Variants in MPHOSPH6 observed in about 807,000 individuals in gnomAD.
MPHOSPH6 encodes the protein M-phase phosphoprotein 6.
Under a neutral mutation model 21.8 loss-of-function variants are expected in MPHOSPH6, and 25 were observed. The ratio of observed to expected loss-of-function variants is 1.15; its 90% confidence interval spans 0.83 to 1.60. The LOEUF (loss-of-function observed/expected upper bound fraction) is 1.60. MPHOSPH6 is among the 40% of genes most tolerant of loss of function. The probability of loss-of-function intolerance (pLI) is 0.00; values close to 1 mark genes in which losing one functional copy is unlikely to be tolerated. For synonymous variants in MPHOSPH6, 84 were observed against 56.5 expected (o/e 1.49, Z -2.18); for missense variants, 269 against 181.8 (o/e 1.48, Z -2.76).
At chr16:82,166,953 C>G (rs1260822325) in intron 1 of MPHOSPH6, among the ~76,000 whole-genome samples, 1 of 152,182 alleles carries the variant, frequency 6.6e-6, no homozygotes. Context: ...TAGAGCATTT[C>G]AGAACACATT....
chr16:82,166,073 G>A lies in MPHOSPH6; in HGVS notation c.52-1879C>T, dbSNP rs548015961. ...CACGCAAAATGAGTGCGTGTAAAATGGTGAAATCTGCGTCAGCTCACTGTC... is the reference window on the plus strand; with the variant it reads ...CACGCAAAATGAGTGCGTGTAAAATAGTGAAATCTGCGTCAGCTCACTGTC... On this transcript the variant is annotated intron_variant, in intron 1 of 4. Coordinates refer to ENST00000258169, the MANE Select transcript of MPHOSPH6 (RefSeq NM_005792.2). Among the ~76,000 whole-genome samples the A allele has an allele frequency of 2.8e-4, 42 of 152,290 alleles. 1 individual carries two copies. In the South Asian group the frequency reaches 4.1e-3, roughly 15 times the overall value.
intron 1 of MPHOSPH6, among the ~76,000 whole-genome samples, chr16:82,168,291 AC>A (rs1434132457): frequency 6.6e-6 from 1 of 152,142 alleles, no homozygotes; most frequent in Admixed American, 6.5e-5. Flanking sequence ...TAATGTTATT[AC>A]CAACCATAAA....
At chr16:82,156,858 G>C (rs1906443881) in intron 2 of MPHOSPH6, among the ~76,000 whole-genome samples, 2 of 152,098 alleles carry the variant, frequency 1.3e-5, no homozygotes, top group South Asian at 4.1e-4. Context: ...CTGAGATCAG[G>C]AGTTCAAGAC....
intron 1 of MPHOSPH6, among the ~76,000 whole-genome samples, chr16:82,167,323 A>G (rs1391467910): frequency 6.6e-6 from 1 of 152,130 alleles, no homozygotes; most frequent in Non-Finnish European, 1.5e-5. Context: ...CATTGAAGTG[A>G]GTCAGGATTA....
At chr16:82,165,814 C>T (rs1206430035) in intron 1 of MPHOSPH6, among the ~76,000 whole-genome samples, 3 of 69,830 alleles carry the variant, frequency 4.3e-5, no homozygotes, top group Non-Finnish European at 7.9e-5. Context: ...CCCTATGATG[C>T]TCTCACAATG....
chr16:82,155,584 A>C (rs1168921409), intron 2 of MPHOSPH6, among the ~76,000 whole-genome samples: 1 of 152,246 alleles, frequency 6.6e-6, no homozygotes. Context: ...TTAGAGATAA[A>C]CAATGCAATA....
At chr16:82,155,862 G>A (rs1037836122) in intron 2 of MPHOSPH6, among the ~76,000 whole-genome samples, 8 of 150,870 alleles carry the variant, frequency 5.3e-5, no homozygotes, top group African/African-American at 2.0e-4. Context: ...CCAAGATTGC[G>A]CCACTGCACT....
At chr16:82,158,007 G>C (rs1354996567) in intron 2 of MPHOSPH6, among the ~76,000 whole-genome samples, 1 of 152,300 alleles carries the variant, frequency 6.6e-6, no homozygotes, top group East Asian at 1.9e-4. Flanking sequence ...TAGCATGAGT[G>C]AAAGCAGCAG....
At chr16:82,150,598 A>G (rs776818095) in intron 3 of MPHOSPH6, among the ~76,000 whole-genome samples, 83 of 152,298 alleles carry the variant, frequency 5.4e-4, no homozygotes, top group Middle Eastern at 3.4e-3. Flanking sequence ...ACCTGTGAAA[A>G]TGTCTGGAAA....
intron 1 of MPHOSPH6, among the ~76,000 whole-genome samples, chr16:82,168,472 C>CTCCG (rs1555541289): frequency 2.1e-5 from 1 of 48,024 alleles, no homozygotes; most frequent in African/African-American, 3.3e-5. Context: ...TACTCTCTCT[C>CTCCG]TTTTTTTTTT....
chr16:82,166,866 AC>A (rs1906798971), intron 1 of MPHOSPH6, among the ~76,000 whole-genome samples: 1 of 152,196 alleles, frequency 6.6e-6, no homozygotes, highest in Non-Finnish European at 1.5e-5. Flanking sequence ...TGTTCTGTAC[AC>A]ATAGAAAGGA....
At chr16:82,169,529 C>G (rs1906901813) in intron 1 of MPHOSPH6, among the ~76,000 whole-genome samples, 1 of 152,210 alleles carries the variant, frequency 6.6e-6, no homozygotes. Context: ...TTTAGACTTG[C>G]ATCTCCACAG....
intron 2 of MPHOSPH6, among the ~76,000 whole-genome samples, chr16:82,154,432 A>G (rs1026120394): frequency 4.6e-5 from 7 of 152,220 alleles, no homozygotes; most frequent in Admixed American, 2.6e-4. Context: ...CACAATAAAA[A>G]ATTCCTAGAC....
In MPHOSPH6 at chr16:82,163,313, T is replaced by A. The variant is rs186654603; in HGVS notation, c.164+769A>T. ...AGAGCTTACTAAGGTGAGGAAAGTA[T>A]CAGGGAAAAATGAAAAATAGCTTCC... On this transcript the variant is annotated intron_variant, in intron 2 of 4. Transcript: ENST00000258169. Among the ~76,000 whole-genome samples the A allele has an allele frequency of 1.3e-5, 2 of 152,308 alleles. 1 individual carries two copies. Among genetic ancestry groups the A allele is most frequent in the Admixed American group, 1.3e-4 (2 of 15,298 alleles).
intron 2 of MPHOSPH6, among the ~76,000 whole-genome samples, chr16:82,156,297 AATG>A: frequency 6.6e-6 from 1 of 152,350 alleles, no homozygotes; most frequent in Admixed American, 6.5e-5. Context: ...AGCTTGAGTT[AATG>A]ATGTGCATGC....
intron 1 of MPHOSPH6, among the ~76,000 whole-genome samples, chr16:82,166,534 T>C (rs535409598): frequency 6.6e-6 from 1 of 152,334 alleles, no homozygotes; most frequent in South Asian, 2.1e-4. Context: ...GGAATATTGT[T>C]CACCATCGTG....
intron 2 of MPHOSPH6, among the ~76,000 whole-genome samples, chr16:82,163,088 G>A (rs1034749211): frequency 2.6e-5 from 4 of 152,194 alleles, no homozygotes; most frequent in South Asian, 4.1e-4. Context: ...CCCTCCTGGT[G>A]GGACATACTT....
chr16:82,150,228 G>A (rs1906221164), intron 3 of MPHOSPH6, among the ~76,000 whole-genome samples: 1 of 151,922 alleles, frequency 6.6e-6, no homozygotes, highest in South Asian at 2.1e-4. Flanking sequence ...GCGGGCAGTG[G>A]CACCTCTCCT....
chr16:82,163,980 CA>C (rs1324292870), intron 2 of MPHOSPH6, 101 bp downstream of exon 2: 2 of 726,614 alleles, frequency 2.8e-6, no homozygotes, highest in African/African-American at 3.6e-5. Context: ...TGAACAGAAA[CA>C]ATTTCATGGG....
Sources: allele counts gnomAD v4.1 joint callset (sites outside exome capture counted in the v4.1 genomes callset), GRCh38; gene constraint gnomAD v4.1.1; transcripts MANE v1.5; gene names NCBI Gene and HGNC (gene_info 2026-07-23, HGNC 2026-07-21).